Variants in TXN observed in about 807,000 individuals in gnomAD.
TXN encodes ADF.
In TXN, 10 loss-of-function variants were observed where a neutral mutation model predicts 16.5. The ratio of observed to expected loss-of-function variants is 0.61; its 90% CI spans 0.37 to 1.03. The LOEUF (loss-of-function observed/expected upper bound fraction) is 1.03. Ranked by LOEUF, TXN falls within the 50% of genes least tolerant of loss-of-function variation. The probability of loss-of-function intolerance (pLI) is 0.01; values close to 1 mark genes in which losing one functional copy is unlikely to be tolerated. For synonymous variants in TXN, 35 were observed against 39.4 expected (o/e 0.89, Z 0.42); for missense variants, 71 against 122.5 (o/e 0.58, Z 1.98).
chr9:110,247,816 C>A (rs1837677882), intron 3 of TXN, among the ~76,000 whole-genome samples: 1 of 152,030 alleles, frequency 6.6e-6, no homozygotes, highest in African/African-American at 2.4e-5. Flanking sequence ...AGTTACTATA[C>A]AACAGGCTCA....
chr9:110,253,003 G>C (rs1309888629), intron 1 of TXN, among the ~76,000 whole-genome samples: 1 of 151,838 alleles, frequency 6.6e-6, no homozygotes, highest in Non-Finnish European at 1.5e-5. Flanking sequence ...ATAAACATCT[G>C]TATCTGAAAT....
chr9:110,245,839 TG>T (rs1837652108), intron 3 of TXN, among the ~76,000 whole-genome samples: 1 of 150,636 alleles, frequency 6.6e-6, no homozygotes, highest in Non-Finnish European at 1.5e-5. Flanking sequence ...CCAAGGCCGG[TG>T]GGTCACCTGA....
chr9:110,251,586 CAAAAA>C (rs5899890), intron 1 of TXN, 124 bp from the exon 2 acceptor site: 86 of 56,234 alleles, frequency 1.5e-3, no homozygotes, highest in South Asian at 0.012. Context: ...ACTTTTTAGC[CAAAAA>C]AAAAAAAAAA....
In TXN at chr9:110,253,723, AC is replaced by A. The variant is rs1222793765; in HGVS notation, c.25-2262del. On this transcript the variant is annotated intron_variant, in intron 1 of 4. Coordinates refer to ENST00000374517, the MANE Select transcript of TXN (RefSeq NM_003329.4). ...TTTAGCCTAACTGAACATGAGTTAC[AC>A]CCCACGTATGTGCAGGCTTCATGTA... is the stretch of plus-strand genomic sequence containing the variant. 7.2e-5 allele frequency among the ~76,000 whole-genome samples: 11 copies of A among 152,330 alleles called. No individual in the cohort carries two copies. In the South Asian group the frequency reaches 2.3e-3, roughly 32 times the overall value.
intron 3 of TXN, 58 bp downstream of exon 3, chr9:110,250,762 T>A: frequency 7.8e-7 from 1 of 1,277,774 alleles, no homozygotes; most frequent in Non-Finnish European, 1.1e-6. Flanking sequence ...ACTGTGCAAT[T>A]CAGAGAAAAA....
chr9:110,253,818 G>T (rs1457932738), intron 1 of TXN, among the ~76,000 whole-genome samples: 1 of 152,140 alleles, frequency 6.6e-6, no homozygotes, highest in Non-Finnish European at 1.5e-5. Flanking sequence ...TTACTAAGAA[G>T]AAATCACAAT....
In TXN at chr9:110,256,298, A is replaced by C. The variant is rs549663438; in HGVS notation, c.24+114T>G. 12 of 1,054,402 alleles carry C rather than the reference A, an allele frequency of 1.1e-5. No homozygotes were observed. The highest frequency in any genetic ancestry group is 1.6e-5 in the African/African-American group (1 of 61,676). The allele number at this position is 1,054,402 out of a possible 1,614,324, so 65.3% of individuals were successfully genotyped here. A position where few individuals can be genotyped will look rare whatever the true frequency, so the allele number is the denominator to read the frequency against. ...GCGTCCCTTTCCCCTGGCGATGCGG[A>C]GGGGCGGCCTCCGCACCTCCCGCCA... On this transcript the variant is annotated intron_variant, in intron 1 of 4. Transcript: ENST00000374517. The surrounding 1 kb of genome is among the most constrained non-coding windows in gnomAD (Gnocchi z 4.2).
intron 1 of TXN, among the ~76,000 whole-genome samples, chr9:110,254,157 A>C (rs1837777010): frequency 6.6e-6 from 1 of 152,240 alleles, no homozygotes; most frequent in Non-Finnish European, 1.5e-5. Flanking sequence ...CCTCAGAAAC[A>C]GAATTGTTCT....
In TXN at chr9:110,252,223, C is replaced by CAAAAAAGAA. The variant is rs1554695822; in HGVS notation, c.25-762_25-761insTTCTTTTTT. On this transcript the variant is annotated intron_variant, in intron 1 of 4. Coordinates refer to ENST00000374517, the MANE Select transcript of TXN (RefSeq NM_003329.4). ...TGGGCAATAGACGGAGACTCTGTCGCAAAAAAAAAAAAAAAAAAAAAAGCT... is the reference window on the plus strand; with the variant it reads ...TGGGCAATAGACGGAGACTCTGTCGCAAAAAAGAAAAAAAAAAAAAAAAAAAAAAAAGCT... Among the ~76,000 whole-genome samples the CAAAAAAGAA allele has an allele frequency of 2.9e-4, 17 of 58,394 alleles. 2 individuals are homozygous for CAAAAAAGAA. The highest frequency in any genetic ancestry group is 1.3e-3 in the East Asian group (2 of 1,558). The allele number at this position is 58,394 out of a possible 152,430, so 38.3% of individuals were successfully genotyped here. A position where few individuals can be genotyped will look rare whatever the true frequency, so the allele number is the denominator to read the frequency against.
At chr9:110,250,484 C>T (rs1288984892) in intron 3 of TXN, among the ~76,000 whole-genome samples, 1 of 152,206 alleles carries the variant, frequency 6.6e-6, no homozygotes, top group South Asian at 2.1e-4. Flanking sequence ...TTGGTGACTC[C>T]ATCAAGCCTA....
At chr9:110,255,159 A>C (rs572007714) in intron 1 of TXN, among the ~76,000 whole-genome samples, 5 of 152,278 alleles carry the variant, frequency 3.3e-5, no homozygotes, top group Middle Eastern at 3.4e-3. Flanking sequence ...TCCGAAGCCC[A>C]CCCGGCACCA....
At chr9:110,255,515 C>A (rs1415089936) in intron 1 of TXN, among the ~76,000 whole-genome samples, 1 of 152,224 alleles carries the variant, frequency 6.6e-6, no homozygotes, top group Non-Finnish European at 1.5e-5. Context: ...CGCGGCTGCT[C>A]CCAGGAGGAA....
chr9:110,244,128 A>G lies in TXN; in HGVS notation c.*29T>C, dbSNP rs767899360. 4 of 1,446,814 alleles carry G rather than the reference A, an allele frequency of 2.8e-6. No homozygotes were observed. The highest frequency in any genetic ancestry group is 4.9e-5 in the East Asian group (2 of 40,924). 89.6% of individuals were successfully genotyped at this position (1,446,814 alleles called of 1,614,324 possible). ...AAAAATTACAAGTTTTAAATAGCCA[A>G]TGGCTGGTTATATTTTCAGAAAACA... On this transcript the variant is annotated 3_prime_UTR_variant, in exon 5 of 5. Coordinates refer to ENST00000374517, the MANE Select transcript of TXN (RefSeq NM_003329.4).
intron 4 of TXN, 80 bp from the exon 5 acceptor site, chr9:110,244,299 T>TCAATCGGGAGTAC: frequency 5.4e-6 from 2 of 367,000 alleles, no homozygotes; most frequent in East Asian, 1.3e-4. Flanking sequence ...AAATATGTAT[T>TCAATCGGGAGTAC]TATATATATA....
intron 1 of TXN, among the ~76,000 whole-genome samples, chr9:110,252,418 T>G (rs1226189795): frequency 1.3e-5 from 2 of 152,066 alleles, no homozygotes; most frequent in African/African-American, 4.8e-5. Context: ...AACCTTTGAT[T>G]TTTGCCCTTT....
chr9:110,245,638 ATATATATATATATATATTTTTTTTTT>A (rs1837643284), intron 3 of TXN, among the ~76,000 whole-genome samples: 2 of 28,766 alleles, frequency 7.0e-5, no homozygotes, highest in South Asian at 1.6e-3. Context: ...ATATATATAT[ATATATATATATATATATTTTTTTTTT>A]TTTTTTTTTA....
chr9:110,254,868 C>A (rs1468435528), intron 1 of TXN, among the ~76,000 whole-genome samples: 1 of 152,032 alleles, frequency 6.6e-6, no homozygotes, highest in Non-Finnish European at 1.5e-5. Flanking sequence ...GTTGCCAGAC[C>A]CTGGAGAACA....
chr9:110,254,636 T>C (rs4135167), intron 1 of TXN, among the ~76,000 whole-genome samples: 5,956 of 152,354 alleles, frequency 0.039, 173 homozygotes, highest in East Asian at 0.076. Flanking sequence ...CCCCAGGCTG[T>C]AGTGCTTTTT....
intron 1 of TXN, among the ~76,000 whole-genome samples, chr9:110,254,470 C>T (rs562555834): frequency 1.3e-5 from 2 of 152,276 alleles, no homozygotes; most frequent in Admixed American, 6.5e-5. Context: ...TGCAGTGGGC[C>T]GAGATCGCGC....
Sources: allele counts gnomAD v4.1 joint callset (sites outside exome capture counted in the v4.1 genomes callset), GRCh38; gene constraint gnomAD v4.1.1; non-coding constraint Gnocchi (gnomAD v3.1); transcripts MANE v1.5; gene names NCBI Gene and HGNC (gene_info 2026-07-23, HGNC 2026-07-21).